Variants in ADAM12 observed in about 807,000 individuals in gnomAD.
ADAM12 encodes ADAM metallopeptidase domain 12.
ADAM12 carries 70 observed loss-of-function variants against 106.4 expected under a neutral mutation model. That is an observed-to-expected ratio of 0.66 (90% confidence interval 0.54 to 0.80). ADAM12 has a LOEUF of 0.80. Among genes scored for constraint, ADAM12 ranks in the 30% least tolerant of loss-of-function variants. The pLI, the probability that ADAM12 is intolerant of heterozygous loss-of-function variation, is 0.00. For missense variants in ADAM12, 1,010 were observed against 1,171.9 expected, an observed-to-expected ratio of 0.86 and a Z score of 2.02; for synonymous variants, 420 against 433.5, an observed-to-expected ratio of 0.97 and a Z score of 0.39.
chr10:126,196,946 G>A (rs112493019), intron 3 of ADAM12, among the ~76,000 whole-genome samples: 140 of 152,324 alleles, frequency 9.2e-4, no homozygotes, highest in South Asian at 5.6e-3. Flanking sequence ...GGGGACAAAG[G>A]AAAAATTCAG....
intron 2 of ADAM12, among the ~76,000 whole-genome samples, chr10:126,319,967 G>A (rs1854038711): frequency 6.6e-6 from 1 of 152,150 alleles, no homozygotes; most frequent in African/African-American, 2.4e-5. Context: ...TGGGAGACAC[G>A]TGTTTCCTTT....
At chr10:126,228,664 T>A (rs981509898) in intron 3 of ADAM12, among the ~76,000 whole-genome samples, 3 of 152,124 alleles carry the variant, frequency 2.0e-5, no homozygotes, top group Admixed American at 6.5e-5. Context: ...TTGTTGCACA[T>A]TTTTGTCCTT....
rs148782485 is a variant in ADAM12 at position 126,314,314 on chromosome 10, G to A, written c.186+16098C>T. ...GACCAGGTGTCCCTGGTGAGGGAGAGCAGAAACCAGCTGGGGATGCTGTGG... is the reference window on the plus strand; with the variant it reads ...GACCAGGTGTCCCTGGTGAGGGAGAACAGAAACCAGCTGGGGATGCTGTGG... On this transcript the variant is annotated intron_variant, in intron 2 of 22. Coordinates refer to ENST00000448723, the MANE Select transcript of ADAM12 (RefSeq NM_001288973.2). 7.4e-4 allele frequency among the ~76,000 whole-genome samples: 113 copies of A among 152,298 alleles called. 1 individual carries two copies. The highest frequency in any genetic ancestry group is 2.6e-3 in the African/African-American group (110 of 41,568).
At chr10:126,232,194 G>A (rs1958325758) in intron 3 of ADAM12, among the ~76,000 whole-genome samples, 1 of 152,146 alleles carries the variant, frequency 6.6e-6, no homozygotes, top group South Asian at 2.1e-4. Context: ...GATCTGGGTG[G>A]GCCCAACGTA....
chr10:126,290,645 C>T (rs1274061628), intron 2 of ADAM12, among the ~76,000 whole-genome samples: 1 of 152,206 alleles, frequency 6.6e-6, no homozygotes, highest in Non-Finnish European at 1.5e-5. Flanking sequence ...CCAAATTGCA[C>T]CCTTTTCATG....
intron 3 of ADAM12, among the ~76,000 whole-genome samples, chr10:126,206,879 G>C (rs1957809438): frequency 6.6e-6 from 1 of 151,036 alleles, no homozygotes; most frequent in Non-Finnish European, 1.5e-5. Context: ...GCCAGTGGGA[G>C]GTAATTGAAT....
At chr10:126,063,199 G>C (rs1294626900) in intron 14 of ADAM12, among the ~76,000 whole-genome samples, 1 of 152,194 alleles carries the variant, frequency 6.6e-6, no homozygotes, top group African/African-American at 2.4e-5. Flanking sequence ...GCATCCCTGA[G>C]TGCTGAGGAG....
chr10:126,378,550 A>G (rs1464501575), intron 1 of ADAM12, among the ~76,000 whole-genome samples: 40 of 152,242 alleles, frequency 2.6e-4, no homozygotes, highest in Admixed American at 2.6e-3. Context: ...CATGAAGAGT[A>G]TCAGATATTG....
chr10:126,125,249 CTTTTTT>C (rs35917087), intron 5 of ADAM12, among the ~76,000 whole-genome samples: 2 of 134,250 alleles, frequency 1.5e-5, no homozygotes, highest in African/African-American at 2.8e-5. Flanking sequence ...CTTTTCTTTT[CTTTTTT>C]TTTTTTTTGA....
intron 2 of ADAM12, among the ~76,000 whole-genome samples, chr10:126,311,699 G>A (rs774966723): frequency 1.2e-4 from 18 of 152,078 alleles, no homozygotes; most frequent in Admixed American, 2.0e-4. Context: ...GGAGATTCAG[G>A]TTTCAGAGTG....
At chr10:126,025,890 T>C (rs11244774) in intron 21 of ADAM12, among the ~76,000 whole-genome samples, 36,751 of 152,004 alleles carry the variant, frequency 0.24, 4,827 homozygotes, top group East Asian at 0.33. Flanking sequence ...AGAAAAAATG[T>C]TAAGGGCAGC....
At chr10:126,312,119 T>C (rs1203481991) in intron 2 of ADAM12, among the ~76,000 whole-genome samples, 1 of 133,972 alleles carries the variant, frequency 7.5e-6, no homozygotes, top group African/African-American at 2.9e-5. Flanking sequence ...AGTTGGAGAA[T>C]TGGTTGGTGT....
At chr10:126,311,021 CT>C (rs1961061050) in intron 2 of ADAM12, among the ~76,000 whole-genome samples, 1 of 151,658 alleles carries the variant, frequency 6.6e-6, no homozygotes, top group South Asian at 2.1e-4. Flanking sequence ...CTCCTCTGAG[CT>C]GAGCTAATAC....
intron 3 of ADAM12, among the ~76,000 whole-genome samples, chr10:126,274,399 C>T (rs763377886): frequency 1.3e-5 from 2 of 152,136 alleles, no homozygotes; most frequent in African/African-American, 4.8e-5. Context: ...AGCCACATTG[C>T]CTCAGGGGCT....
chr10:126,386,116 A>G (rs1244632190), intron 1 of ADAM12, among the ~76,000 whole-genome samples: 1 of 152,144 alleles, frequency 6.6e-6, no homozygotes, highest in African/African-American at 2.4e-5. Flanking sequence ...GACTTCCTGC[A>G]TGTCAGCACA....
At chr10:126,254,736 C>T (rs567245130) in intron 3 of ADAM12, among the ~76,000 whole-genome samples, 2 of 152,314 alleles carry the variant, frequency 1.3e-5, no homozygotes, top group South Asian at 4.1e-4. Context: ...CAGGCCTCCT[C>T]TGAACTGTGC....
At chr10:126,378,222 T>C (rs1180883503) in intron 1 of ADAM12, among the ~76,000 whole-genome samples, 2 of 152,104 alleles carry the variant, frequency 1.3e-5, no homozygotes, top group African/African-American at 4.8e-5. Flanking sequence ...TACAACCAAT[T>C]TGGAAAGCAA....
At chr10:126,196,909 A>G (rs980581223) in intron 3 of ADAM12, among the ~76,000 whole-genome samples, 1 of 152,182 alleles carries the variant, frequency 6.6e-6, no homozygotes, top group Non-Finnish European at 1.5e-5. Context: ...AAATCAGGGA[A>G]TGTCGTTTGG....
intron 10 of ADAM12, among the ~76,000 whole-genome samples, 158 bp from the exon 11 acceptor site, chr10:126,094,291 TA>T (rs1955516875): frequency 6.6e-6 from 1 of 152,322 alleles, no homozygotes; most frequent in South Asian, 2.1e-4. Context: ...AGTTTAAACT[TA>T]AAAAGATATA....
Sources: gnomAD v4.1 joint callset for allele counts (sites outside exome capture counted in the v4.1 genomes callset) on GRCh38, gnomAD v4.1.1 for gene constraint, MANE v1.5 for transcripts, NCBI Gene and HGNC (gene_info 2026-07-23, HGNC 2026-07-21) for gene names.